PCM1: variants seen among roughly 807,000 people sequenced by gnomAD.
PCM1 encodes pericentriolar material 1 protein.
Under a neutral mutation model 241.9 loss-of-function variants are expected in PCM1, and 157 were observed. The observed-to-expected ratio is 0.65, with a 90% CI of 0.57 to 0.74. The LOEUF (loss-of-function observed/expected upper bound fraction) is 0.74, where lower values mean the gene tolerates loss of function less well. Among genes scored for constraint, PCM1 ranks in the 30% least tolerant of loss-of-function variants. The probability of loss-of-function intolerance (pLI) is 0.00; values close to 1 mark genes in which losing one functional copy is unlikely to be tolerated. For synonymous variants in PCM1, 1,085 were observed against 784.9 expected (o/e 1.38, Z -6.39); for missense variants, 3,478 against 2,360.1 (o/e 1.47, Z -9.81).
chr8:17,937,737 G>T (rs1387614825), intron 4 of PCM1, among the ~76,000 whole-genome samples: 1 of 152,132 alleles, frequency 6.6e-6, no homozygotes, highest in Non-Finnish European at 1.5e-5. Context: ...TGTGGGATGT[G>T]CTGGGTTACC....
chr8:17,937,414 T>C (rs200502347), intron 4 of PCM1, 35 bp downstream of exon 4: 64 of 1,482,588 alleles, frequency 4.3e-5, no homozygotes, highest in Non-Finnish European at 5.4e-5. Flanking sequence ...AAGCTATTAC[T>C]GTGAGAAATA....
chr8:17,993,926 G>T (rs426503), intron 29 of PCM1, among the ~76,000 whole-genome samples: 28 of 152,162 alleles, frequency 1.8e-4, no homozygotes, highest in African/African-American at 5.1e-4. Flanking sequence ...TATAGTAGGT[G>T]TGTATATTTA....
intron 28 of PCM1, among the ~76,000 whole-genome samples, chr8:17,993,112 C>G (rs2085358968): frequency 6.6e-6 from 1 of 151,898 alleles, no homozygotes; most frequent in Non-Finnish European, 1.5e-5. Flanking sequence ...ATCTGTTTAT[C>G]TTTGTTTTTG....
At chr8:17,991,272 T>G (rs1433402314) in intron 27 of PCM1, among the ~76,000 whole-genome samples, 1 of 152,180 alleles carries the variant, frequency 6.6e-6, no homozygotes, top group Non-Finnish European at 1.5e-5. Flanking sequence ...GTTTAAATCC[T>G]TGTTCCTACA....
chr8:17,954,992 G>T (rs1196962646), intron 9 of PCM1, among the ~76,000 whole-genome samples: 1 of 152,022 alleles, frequency 6.6e-6, no homozygotes, highest in Non-Finnish European at 1.5e-5. Flanking sequence ...TGATCTGTGG[G>T]TATGAAAAAC....
chr8:17,953,785 G>T (rs2129459626), intron 9 of PCM1, among the ~76,000 whole-genome samples: 1 of 152,214 alleles, frequency 6.6e-6, no homozygotes, highest in South Asian at 2.1e-4. Flanking sequence ...CTAGTCTTCA[G>T]TTCCTATCCT....
At position 17,985,933 on chromosome 8, in the gene PCM1, A is replaced by C. The variant is rs761817093; in HGVS notation, c.4282-26A>C. On this transcript the variant is annotated intron_variant, in intron 25 of 38. Coordinates refer to ENST00000325083, the MANE Select transcript of PCM1 (RefSeq NM_006197.4). ...TGATTAAGCATGTATGTTTTATATA[A>C]ATGATGATCTTATTTTCTTATTTAG... is the stretch of plus-strand genomic sequence containing the variant. The C allele has an allele frequency of 4.3e-6, 6 of 1,398,274 alleles. No individual in the cohort carries two copies. The African/African-American group carries it at 8.7e-5, about 20-fold the overall frequency. 86.6% of individuals were successfully genotyped at this position (1,398,274 alleles called of 1,614,324 possible).
chr8:17,961,785 A>T (rs965669322), intron 15 of PCM1, among the ~76,000 whole-genome samples: 10 of 152,160 alleles, frequency 6.6e-5, no homozygotes, highest in Admixed American at 5.9e-4. Context: ...TAAGTATACA[A>T]AATTTTCCAT....
At chr8:18,016,110 G>C (rs568682786) in intron 36 of PCM1, among the ~76,000 whole-genome samples, 2 of 152,180 alleles carry the variant, frequency 1.3e-5, no homozygotes, top group African/African-American at 4.8e-5. Context: ...GAATGATCTC[G>C]ATCTCCTGAC....
chr8:17,936,681 A>C (rs567774517), intron 3 of PCM1, among the ~76,000 whole-genome samples: 4 of 152,328 alleles, frequency 2.6e-5, no homozygotes, highest in African/African-American at 9.6e-5. Context: ...GCCTAGGGTC[A>C]CACAGTGGAG....
In PCM1 at chr8:17,963,153, G is replaced by A. The variant is rs752102882; in HGVS notation, c.2516G>A (p.Arg839Lys). Residue 839 changes from arginine (R) to lysine (K), a missense_variant, in exon 17 of 39, where the codon AGA becomes AAA. Coordinates refer to ENST00000325083, the MANE Select transcript of PCM1 (RefSeq NM_006197.4). ...ATGTTGAGGGAGGAGCTGCGACAGA[G>A]AAGAAAGCAGCTTGAAGCTCTGATG... ...HEMLREELRQ[R>K]RKQLEALMAE... 7 of 1,613,614 alleles carry A rather than the reference G, an allele frequency of 4.3e-6. No individual in the cohort carries two copies. Among genetic ancestry groups the A allele is most frequent in the Non-Finnish European group, 5.9e-6 (7 of 1,179,674 alleles).
intron 6 of PCM1, among the ~76,000 whole-genome samples, chr8:17,941,846 C>G (rs1197991358): frequency 6.9e-6 from 1 of 145,892 alleles, no homozygotes; most frequent in Non-Finnish European, 1.5e-5. Context: ...GTATACTTTA[C>G]AATATTAACT....
intron 20 of PCM1, 71 bp downstream of exon 20, chr8:17,966,544 C>T (rs1354899740): frequency 3.5e-6 from 5 of 1,417,284 alleles, no homozygotes; most frequent in Non-Finnish European, 4.8e-6. Flanking sequence ...CAGTTAGCTT[C>T]TGGGAGAAAA....
Position 17,960,170 on chromosome 8 carries a change from G to A in PCM1, c.2192+5G>A, listed in dbSNP as rs2070994100. 1.9e-6 allele frequency: 3 copies of A among 1,560,534 alleles called. No homozygotes were observed. The highest frequency in any genetic ancestry group is 1.7e-4 in the Middle Eastern group (1 of 5,970). On this transcript the variant is annotated splice_donor_5th_base_variant and intron_variant, in intron 14 of 38. Transcript: ENST00000325083. Reference sequence around the variant, plus strand: ...TGGAGTAAATGAAAAGGCAAGGTATGTTAAGCTTTTGGCCTTCATTTAATA... The same window carrying A: ...TGGAGTAAATGAAAAGGCAAGGTATATTAAGCTTTTGGCCTTCATTTAATA...
chr8:18,011,678 G>C lies in PCM1; in HGVS notation c.5362G>C (p.Ala1788Pro). The C allele has an allele frequency of 6.2e-7, 1 of 1,608,256 alleles. No individual in the cohort carries two copies. Among genetic ancestry groups the C allele is most frequent in the Non-Finnish European group, 8.5e-7 (1 of 1,177,278 alleles). Residue 1788 changes from alanine (A) to proline (P), a missense_variant, in exon 34 of 39, where the codon GCT becomes CCT. Coordinates refer to ENST00000325083, the MANE Select transcript of PCM1 (RefSeq NM_006197.4). ...GCPVSINLSK[A>P]ETQALTNYGS... The stretch of plus-strand genomic sequence containing the variant: ...ATTAATCAACTTAGATTTGTCTAAA[G>C]CTGAAACTCAGGCTTTAACTAATTA...
chr8:18,006,298 A>C lies in PCM1; in HGVS notation c.4863A>C (p.Leu1621=). The change falls in exon 30 of 39, where the codon CTA becomes CTC. Residue 1621 remains leucine (L), a synonymous_variant. Transcript: ENST00000325083. The part of the protein sequence containing the change: ...HMDEVCSSQL[L]TSVRRMVLTL... The stretch of plus-strand genomic sequence containing the variant: ...ATGAAGTATGCTCCTCGCAGCTTCT[A>C]ACTTCAGTAAGGCGCATGGTTTTGA... 6 of 1,612,170 alleles carry C rather than the reference A, an allele frequency of 3.7e-6. No individual in the cohort carries two copies. Among genetic ancestry groups the C allele is most frequent in the Non-Finnish European group, 5.1e-6 (6 of 1,178,566 alleles).
chr8:17,947,983 G>A (rs865837450), intron 7 of PCM1, among the ~76,000 whole-genome samples: 8 of 152,072 alleles, frequency 5.3e-5, no homozygotes, highest in Admixed American at 1.3e-4. Context: ...AATTTTGTAC[G>A]TTTATCATCA....
At chr8:17,930,055 A>G (rs1042648492) in intron 2 of PCM1, among the ~76,000 whole-genome samples, 7 of 151,156 alleles carry the variant, frequency 4.6e-5, no homozygotes, top group African/African-American at 1.7e-4. Flanking sequence ...TTTTGCTTGA[A>G]TTGGTATTCT....
intron 36 of PCM1, among the ~76,000 whole-genome samples, chr8:18,021,067 C>G (rs1023237639): frequency 1.3e-5 from 2 of 152,092 alleles, no homozygotes; most frequent in African/African-American, 4.8e-5. Context: ...ACAGAATTGA[C>G]CAAGATCAAA....
Sources: allele counts gnomAD v4.1 joint callset (sites outside exome capture counted in the v4.1 genomes callset), GRCh38; gene constraint gnomAD v4.1.1; transcripts MANE v1.5; gene names NCBI Gene and HGNC (gene_info 2026-07-23, HGNC 2026-07-21).